The following LRRC3C variants were observed in gnomAD, a reference collection of about 807,000 sequenced individuals.
LRRC3C encodes leucine rich repeat containing 3C, also known as leucine-rich repeat-containing protein 3C.
Under a neutral mutation model 14.8 loss-of-function variants are expected in LRRC3C, and 11 were observed. The observed-to-expected ratio is 0.74, with a 90% confidence interval of 0.47 to 1.23. The LOEUF (loss-of-function observed/expected upper bound fraction) is 1.23. LRRC3C is among the 50% of genes most tolerant of loss of function. The pLI is 0.00. For missense variants in LRRC3C, 354 were observed against 361.8 expected, an observed-to-expected ratio of 0.98 and a Z score of 0.18; for synonymous variants, 149 against 161.5, an observed-to-expected ratio of 0.92 and a Z score of 0.59.
At chr17:39,936,667 A>AAT (rs1555653336) in intron 2 of LRRC3C, among the ~76,000 whole-genome samples, 6,067 of 143,990 alleles carry the variant, frequency 0.042, 191 homozygotes, top group Middle Eastern at 0.11. Context: ...AAAAAAAAAA[A>AAT]TATCTGGGCA....
chr17:39,933,503 G>A (rs1476667064), intron 1 of LRRC3C, among the ~76,000 whole-genome samples: 1 of 152,202 alleles, frequency 6.6e-6, no homozygotes, highest in South Asian at 2.1e-4. Context: ...GGGAGGCCGA[G>A]GCGGGCAGAT....
At chr17:39,937,998 GGCGTGTGCCTGTAATC>G (rs1234699074) in intron 2 of LRRC3C, among the ~76,000 whole-genome samples, 1 of 152,302 alleles carries the variant, frequency 6.6e-6, no homozygotes, top group South Asian at 2.1e-4. Context: ...TGGGCATAGT[GGCGTGTGCCTGTAATC>G]CCAGCTTCTT....
chr17:39,930,708 CAAAAAAAAAAA>C (rs71300058), intron 1 of LRRC3C, among the ~76,000 whole-genome samples: 2 of 70,646 alleles, frequency 2.8e-5, no homozygotes, highest in Non-Finnish European at 4.9e-5. Context: ...GGCTCTGTCT[CAAAAAAAAAAA>C]AAAAAAAAAA....
At chr17:39,939,462 C>G (rs756887619) in intron 2 of LRRC3C, 1 of 943,584 alleles carries the variant, frequency 1.1e-6, no homozygotes, top group East Asian at 1.2e-4. Flanking sequence ...GAGGAGCTTT[C>G]GAAAGAAACC....
At position 39,944,000 on chromosome 17, in the gene LRRC3C, C is replaced by A. The variant is rs752817931; in HGVS notation, c.94C>A (p.Leu32Ile). The change falls in exon 4 of 4, where the codon CTC (leucine) becomes ATC (isoleucine). Residue 32 changes from leucine (L) to isoleucine (I), a missense_variant. By Grantham distance (5) the Leu-to-Ile change is conservative. Transcript: ENST00000377924. The stretch of plus-strand genomic sequence containing the variant: ...CCCAACAGCAGGTCACCTCCTGCCC[C>A]TCCTGCTGGTGATAGGCACAGGGGG... ...MLPTAGHLLP[L>I]LLVIGTGGTV... is the part of the protein sequence containing the mutation. 3.5e-5 allele frequency: 54 copies of A among 1,536,154 alleles called. No individual in the cohort carries two copies. The African/African-American group carries it at 5.9e-4, about 17-fold the overall frequency.
chr17:39,942,729 G>C (rs1419993182), intron 3 of LRRC3C, among the ~76,000 whole-genome samples: 1 of 152,174 alleles, frequency 6.6e-6, no homozygotes, highest in Non-Finnish European at 1.5e-5. Context: ...AAAGACTAGG[G>C]GAAGTTTGCT....
intron 2 of LRRC3C, among the ~76,000 whole-genome samples, chr17:39,938,616 G>T (rs1159020198): frequency 2.0e-5 from 3 of 151,520 alleles, no homozygotes; most frequent in Non-Finnish European, 4.4e-5. Context: ...CAGGAAGATT[G>T]CTTGAGTTTG....
Position 39,944,032 on chromosome 17 carries a change from G to A in LRRC3C, c.126G>A (p.Val42=), listed in dbSNP as rs1184132648. The A allele has an allele frequency of 6.5e-7, 1 of 1,535,984 alleles. No individual in the cohort carries two copies. The highest frequency in any genetic ancestry group is 8.7e-7 in the Non-Finnish European group (1 of 1,146,896). Residue 42 remains valine (V), a synonymous_variant, in exon 4 of 4, where the codon GTG becomes GTA. Transcript: ENST00000377924. The part of the protein sequence containing the change: ...LLLVIGTGGT[V]PSPQVPPRGC... ...TGGTGATAGGCACAGGGGGTACTGT[G>A]CCCAGCCCCCAGGTGCCTCCCCGGG... is the stretch of plus-strand genomic sequence containing the variant.
In LRRC3C at chr17:39,933,601, C is replaced by A. The variant is rs542994136; in HGVS notation, c.-174-2201C>A. Reference sequence around the variant, plus strand: ...TACAAAAATTAGCCGGGCGTGGTGGCGGGCGCCTGTAATCCCAGCTACTCA... The same window carrying A: ...TACAAAAATTAGCCGGGCGTGGTGGAGGGCGCCTGTAATCCCAGCTACTCA... On this transcript the variant is annotated intron_variant, in intron 1 of 3. Transcript: ENST00000377924. Among the ~76,000 whole-genome samples, 7 of 152,132 alleles carry A rather than the reference C, an allele frequency of 4.6e-5. No individual in the cohort carries two copies. In the South Asian group the frequency reaches 1.0e-3, roughly 23 times the overall value.
At chr17:39,940,635 A>C (rs1383874896) in intron 2 of LRRC3C, among the ~76,000 whole-genome samples, 1 of 148,762 alleles carries the variant, frequency 6.7e-6, no homozygotes, top group Non-Finnish European at 1.5e-5. Flanking sequence ...TTTTCTGGAG[A>C]GACGAGGTTT....
In LRRC3C at chr17:39,944,318, A is replaced by T; in HGVS notation, c.412A>T (p.Asn138Tyr). The change falls in exon 4 of 4, where the codon AAC becomes TAC. Residue 138 changes from asparagine to tyrosine, a missense_variant. Transcript: ENST00000377924. ...ATTGCGCCACCTCGACCTCTCTGCC[A>T]ACCAGCTGGCCTCAGTGCCCGTGGA... The part of the protein sequence containing the change: ...GTLRHLDLSA[N>Y]QLASVPVEAF... The T allele has an allele frequency of 6.5e-7, 1 of 1,535,646 alleles. No homozygotes were observed. Among genetic ancestry groups the T allele is most frequent in the East Asian group, 2.4e-5 (1 of 40,900 alleles).
At chr17:39,930,592 C>T (rs918741857) in intron 1 of LRRC3C, among the ~76,000 whole-genome samples, 2 of 148,604 alleles carry the variant, frequency 1.3e-5, no homozygotes, top group African/African-American at 5.0e-5. Flanking sequence ...CCTGTAATCC[C>T]AGCTACTCAG....
Position 39,936,692 on chromosome 17 carries a change from T to G in LRRC3C, c.-82+798T>G, listed in dbSNP as rs73309950. On this transcript the variant is annotated intron_variant, in intron 2 of 3. Transcript: ENST00000377924. The stretch of plus-strand genomic sequence containing the variant: ...ATATCTGGGCATGGTGGCATGCACC[T>G]CTGGTTGTAATCCCTTGGGAGGCTG... 6.0e-3 allele frequency among the ~76,000 whole-genome samples: 894 copies of G among 149,464 alleles called. 6 individuals carry two copies. The highest frequency in any genetic ancestry group is 0.021 in the African/African-American group (863 of 40,640).
intron 1 of LRRC3C, among the ~76,000 whole-genome samples, chr17:39,930,277 C>CAAAAAAAA (rs61165669): frequency 1.7e-5 from 1 of 57,564 alleles, no homozygotes; most frequent in Non-Finnish European, 3.0e-5. Flanking sequence ...GATCCTGTCT[C>CAAAAAAAA]AAAAAAAAAA....
rs140165839 is a variant in LRRC3C at position 39,930,442 on chromosome 17, G to C, written c.-175+2628G>C. On this transcript the variant is annotated intron_variant, in intron 1 of 3. Coordinates refer to ENST00000377924, the MANE Select transcript of LRRC3C (RefSeq NM_001195545.2). ...AAAAAAAAAGGCCGGGCATGGTCAC[G>C]CATGCCTGTAACCCCAGTACTTTGG... Among the ~76,000 whole-genome samples, 876 of 124,758 alleles carry C rather than the reference G, an allele frequency of 7.0e-3. 13 individuals are homozygous for C. The highest frequency in any genetic ancestry group is 0.024 in the African/African-American group (838 of 34,410). The allele number at this position is 124,758 out of a possible 152,430, so 81.8% of individuals were successfully genotyped here.
At position 39,944,481 on chromosome 17, in the gene LRRC3C, G is replaced by A. The variant is rs546167542; in HGVS notation, c.575G>A (p.Arg192Gln). Residue 192 changes from arginine to glutamine, a missense_variant, in exon 4 of 4, where the codon CGA (arginine) becomes CAA (glutamine). Arg to Gln is a conservative substitution (Grantham distance 43). Coordinates refer to ENST00000377924, the MANE Select transcript of LRRC3C (RefSeq NM_001195545.2). Reference sequence around the variant, plus strand: ...GGCATCGTGTGTGGCTCAGGAGCCCGACCGGACCTCGTGGGGCAGGAGTTC... The same window carrying A: ...GGCATCGTGTGTGGCTCAGGAGCCCAACCGGACCTCGTGGGGCAGGAGTTC... ...GTGIVCGSGA[R>Q]PDLVGQEFLL... The A allele has an allele frequency of 1.5e-5, 23 of 1,487,326 alleles. No individual in the cohort carries two copies. Among genetic ancestry groups the A allele is most frequent in the Middle Eastern group, 1.7e-4 (1 of 5,756 alleles). The allele number at this position is 1,487,326 out of a possible 1,614,324, so 92.1% of individuals were successfully genotyped here.
chr17:39,941,349 TAAAAAA>T (rs11344927), intron 2 of LRRC3C, 88 bp from the exon 3 acceptor site: 75 of 269,742 alleles, frequency 2.8e-4, no homozygotes, highest in East Asian at 3.3e-4. Flanking sequence ...AGACTTTATC[TAAAAAA>T]AAAAAAAAAA....
intron 2 of LRRC3C, among the ~76,000 whole-genome samples, chr17:39,938,266 A>G (rs557712848): frequency 6.6e-6 from 1 of 152,270 alleles, no homozygotes; most frequent in Non-Finnish European, 1.5e-5. Flanking sequence ...TTTCTTTCTC[A>G]CGTATTGAGT....
At chr17:39,940,811 G>C (rs1250360609) in intron 2 of LRRC3C, among the ~76,000 whole-genome samples, 1 of 152,014 alleles carries the variant, frequency 6.6e-6, no homozygotes, top group Non-Finnish European at 1.5e-5. Flanking sequence ...GCACGACCCA[G>C]GCTCGGTGAA....
Sources: allele counts gnomAD v4.1 joint callset (sites outside exome capture counted in the v4.1 genomes callset), GRCh38; gene constraint gnomAD v4.1.1; transcripts MANE v1.5; gene names NCBI Gene and HGNC (gene_info 2026-07-23, HGNC 2026-07-21).